Variants in GABBR2 observed in about 807,000 individuals in gnomAD.
GABBR2 encodes G-protein coupled receptor 51.
A neutral mutation model predicts 105.6 loss-of-function variants in GABBR2; 23 were observed. That is an observed-to-expected ratio of 0.22 (90% CI 0.16 to 0.31). The LOEUF is 0.31. Ranked by LOEUF, GABBR2 falls within the 10% of genes least tolerant of loss-of-function variation. The pLI is 1.00. For synonymous variants in GABBR2, 478 were observed against 499.7 expected, an observed-to-expected ratio of 0.96 and a Z score of 0.58; for missense variants, 734 against 1,245.5, an observed-to-expected ratio of 0.59 and a Z score of 6.18.
chr9:98,603,509 C>A (rs1029672353), intron 1 of GABBR2, among the ~76,000 whole-genome samples: 4 of 152,208 alleles, frequency 2.6e-5, no homozygotes, highest in African/African-American at 9.6e-5. Context: ...AACCTTCCAA[C>A]AACACTTCTT....
At chr9:98,400,706 A>G (rs1261025273) in intron 8 of GABBR2, among the ~76,000 whole-genome samples, 1 of 152,204 alleles carries the variant, frequency 6.6e-6, no homozygotes, top group Non-Finnish European at 1.5e-5. Context: ...CATGCCTAGA[A>G]GCACACCCAG....
At chr9:98,654,136 C>T (rs1021698151) in intron 1 of GABBR2, among the ~76,000 whole-genome samples, 1 of 152,206 alleles carries the variant, frequency 6.6e-6, no homozygotes, top group African/African-American at 2.4e-5. Context: ...GAGCTACACA[C>T]GATGAGGAAA....
At chr9:98,636,496 T>C (rs1195008483) in intron 1 of GABBR2, among the ~76,000 whole-genome samples, 2 of 135,026 alleles carry the variant, frequency 1.5e-5, no homozygotes, top group African/African-American at 2.8e-5. Context: ...TTTTTTTTTT[T>C]TTTTTTTTTT....
chr9:98,537,050 C>T (rs943359294), intron 3 of GABBR2, among the ~76,000 whole-genome samples: 9 of 152,170 alleles, frequency 5.9e-5, no homozygotes, highest in African/African-American at 1.7e-4. Flanking sequence ...TTACGCAGGA[C>T]GTGAGTTCTC....
At chr9:98,535,592 A>C (rs1828160868) in intron 3 of GABBR2, among the ~76,000 whole-genome samples, 1 of 152,140 alleles carries the variant, frequency 6.6e-6, no homozygotes, top group Admixed American at 6.5e-5. Flanking sequence ...CAAACACTAC[A>C]CCATTTTATA....
At chr9:98,659,043 G>C (rs1227045542) in intron 1 of GABBR2, among the ~76,000 whole-genome samples, 1 of 152,128 alleles carries the variant, frequency 6.6e-6, no homozygotes, top group African/African-American at 2.4e-5. Flanking sequence ...CTGCAATGGT[G>C]GTATTTTCTC....
chr9:98,301,824 G>A (rs1259300630), intron 16 of GABBR2, among the ~76,000 whole-genome samples: 1 of 152,166 alleles, frequency 6.6e-6, no homozygotes, highest in Non-Finnish European at 1.5e-5. Context: ...TTGGGGGACA[G>A]AAACCCTTCT....
intron 7 of GABBR2, among the ~76,000 whole-genome samples, chr9:98,433,321 A>G (rs552004035): frequency 6.6e-6 from 1 of 152,218 alleles, no homozygotes; most frequent in Non-Finnish European, 1.5e-5. Context: ...ATTATATGCC[A>G]TGGGTCTGTA....
chr9:98,405,202 T>C (rs1286895085), intron 8 of GABBR2, among the ~76,000 whole-genome samples: 2 of 152,146 alleles, frequency 1.3e-5, no homozygotes, highest in Non-Finnish European at 2.9e-5. Context: ...ATTGGGCACA[T>C]GGGGGTTCAT....
chr9:98,700,149 C>A (rs1197419925), intron 1 of GABBR2, among the ~76,000 whole-genome samples: 1 of 152,174 alleles, frequency 6.6e-6, no homozygotes, highest in Non-Finnish European at 1.5e-5. Flanking sequence ...GGACAGTGAG[C>A]TCCTCAAGGG....
intron 11 of GABBR2, among the ~76,000 whole-genome samples, chr9:98,374,389 T>C (rs143889640): frequency 1.3e-5 from 2 of 152,338 alleles, no homozygotes; most frequent in Non-Finnish European, 2.9e-5. Context: ...AGAGTTAACA[T>C]AGCAGGCCTG....
At chr9:98,380,382 G>A (rs1456953471) in intron 11 of GABBR2, among the ~76,000 whole-genome samples, 1 of 152,144 alleles carries the variant, frequency 6.6e-6, no homozygotes, top group African/African-American at 2.4e-5. Context: ...TCCCCCGCTC[G>A]AGCTGGGGTT....
At chr9:98,505,190 G>T (rs767756828) in intron 3 of GABBR2, among the ~76,000 whole-genome samples, 1 of 152,234 alleles carries the variant, frequency 6.6e-6, no homozygotes, top group Non-Finnish European at 1.5e-5. Context: ...GTGTATTTCT[G>T]CCTGTCCAAC....
At chr9:98,463,135 T>C (rs1398157404) in intron 6 of GABBR2, among the ~76,000 whole-genome samples, 1 of 152,190 alleles carries the variant, frequency 6.6e-6, no homozygotes, top group Non-Finnish European at 1.5e-5. Context: ...GTGATTCACC[T>C]GCGTCAGCCT....
In GABBR2 at chr9:98,303,123, G is replaced by A. The variant is rs921200987; in HGVS notation, c.2412+118C>T. On this transcript the variant is annotated intron_variant, in intron 16 of 18. Transcript: ENST00000259455. ...GGCTCTCGCAGCTGCAACTGCAGCT[G>A]ATGAGACTGCACGGTCATGCTGCAG... 7 of 735,120 alleles carry A rather than the reference G, an allele frequency of 9.5e-6. No homozygotes were observed. In the Admixed American group the frequency reaches 1.5e-4, roughly 15 times the overall value. The allele number at this position is 735,120 out of a possible 1,614,324, so 45.5% of individuals were successfully genotyped here. A position where few individuals can be genotyped will look rare whatever the true frequency, so the allele number is the denominator to read the frequency against.
intron 3 of GABBR2, among the ~76,000 whole-genome samples, chr9:98,541,666 G>A (rs1049042489): frequency 1.3e-5 from 2 of 152,240 alleles, no homozygotes; most frequent in African/African-American, 2.4e-5. Context: ...GTTCACTCCT[G>A]ATGATGGTTT....
At chr9:98,678,984 A>C (rs1045503132) in intron 1 of GABBR2, among the ~76,000 whole-genome samples, 2 of 152,206 alleles carry the variant, frequency 1.3e-5, no homozygotes, top group Non-Finnish European at 2.9e-5. Flanking sequence ...GCATTTAATA[A>C]AATTCAGCCC....
intron 11 of GABBR2, among the ~76,000 whole-genome samples, chr9:98,382,844 A>G (rs779488105): frequency 1.1e-4 from 16 of 152,250 alleles, no homozygotes; most frequent in South Asian, 2.1e-4. Flanking sequence ...ATGCTGATGT[A>G]GGAATATCAG....
chr9:98,643,314 C>T (rs989518923), intron 1 of GABBR2, among the ~76,000 whole-genome samples: 1 of 152,078 alleles, frequency 6.6e-6, no homozygotes, highest in Non-Finnish European at 1.5e-5. Context: ...GGGGTGGCTA[C>T]ACAGGTTCTA....
Sources: allele counts gnomAD v4.1 joint callset (sites outside exome capture counted in the v4.1 genomes callset), GRCh38; gene constraint gnomAD v4.1.1; transcripts MANE v1.5; gene names NCBI Gene and HGNC (gene_info 2026-07-23, HGNC 2026-07-21).